TBC1D5: variants seen among roughly 807,000 people sequenced by gnomAD.
TBC1D5 encodes the protein TBC1 domain family, member 5.
TBC1D5 carries 75 observed loss-of-function variants against 100.3 expected under a neutral mutation model. That is an observed-to-expected ratio of 0.75 (90% confidence interval 0.62 to 0.91). The LOEUF (loss-of-function observed/expected upper bound fraction) is 0.91, where lower values mean the gene tolerates loss of function less well. Ranked by LOEUF, TBC1D5 falls within the 40% of genes least tolerant of loss-of-function variation. The pLI, the probability that TBC1D5 is intolerant of heterozygous loss-of-function variation, is 0.00. For synonymous variants in TBC1D5, 323 were observed against 325.6 expected (o/e 0.99, Z 0.09); for missense variants, 910 against 942.4 (o/e 0.97, Z 0.45).
At chr3:17,339,527 T>A (rs1215009483) in intron 13 of TBC1D5, among the ~76,000 whole-genome samples, 5 of 152,234 alleles carry the variant, frequency 3.3e-5, no homozygotes, top group African/African-American at 1.2e-4. Context: ...TTAAACAAAC[T>A]AACTGAAGAA....
intron 19 of TBC1D5, among the ~76,000 whole-genome samples, chr3:17,176,946 G>C (rs1265955527): frequency 2.0e-5 from 3 of 152,164 alleles, no homozygotes; most frequent in Non-Finnish European, 4.4e-5. Context: ...ACCCCCTGTG[G>C]GAGTGCTACA....
At chr3:17,280,557 G>A (rs1008548089) in intron 15 of TBC1D5, among the ~76,000 whole-genome samples, 2 of 152,130 alleles carry the variant, frequency 1.3e-5, no homozygotes, top group African/African-American at 2.4e-5. Context: ...ATGGTTTGAC[G>A]TCAAAGAGAA....
At chr3:17,545,574 G>A (rs1409959373) in intron 2 of TBC1D5, among the ~76,000 whole-genome samples, 1 of 152,164 alleles carries the variant, frequency 6.6e-6, no homozygotes, top group African/African-American at 2.4e-5. Context: ...CAACAAAAAT[G>A]AGTAACATTT....
chr3:17,720,742 G>A (rs1280944535), intron 1 of TBC1D5, among the ~76,000 whole-genome samples: 1 of 152,108 alleles, frequency 6.6e-6, no homozygotes, highest in African/African-American at 2.4e-5. Flanking sequence ...CTGAGCCTGG[G>A]AAATCAAGGC....
At chr3:17,460,755 T>C (rs1382352830) in intron 3 of TBC1D5, among the ~76,000 whole-genome samples, 1 of 151,204 alleles carries the variant, frequency 6.6e-6, no homozygotes, top group Non-Finnish European at 1.5e-5. Flanking sequence ...CACAGGGTTA[T>C]GACGGTTAAA....
At chr3:17,553,463 A>T (rs570264037) in intron 2 of TBC1D5, among the ~76,000 whole-genome samples, 1 of 152,306 alleles carries the variant, frequency 6.6e-6, no homozygotes, top group South Asian at 2.1e-4. Flanking sequence ...CAAAACTACA[A>T]ATGTATTTTC....
At chr3:17,420,502 C>A (rs1052474025) in intron 4 of TBC1D5, among the ~76,000 whole-genome samples, 1 of 151,788 alleles carries the variant, frequency 6.6e-6, no homozygotes, top group Admixed American at 6.6e-5. Context: ...ATAAAGGAGA[C>A]CAATGTGTAA....
chr3:17,737,754 T>G (rs2077068618), intron 1 of TBC1D5, among the ~76,000 whole-genome samples: 1 of 151,072 alleles, frequency 6.6e-6, no homozygotes, highest in African/African-American at 2.4e-5. Context: ...ACTCTTGTCT[T>G]AACAAAAAAA....
chr3:17,721,481 G>A (rs2075698845), intron 1 of TBC1D5, among the ~76,000 whole-genome samples: 1 of 151,988 alleles, frequency 6.6e-6, no homozygotes, highest in Non-Finnish European at 1.5e-5. Flanking sequence ...GTGTGTGTGT[G>A]TGTGTGTTGT....
At chr3:17,739,191 G>A (rs544867234) in intron 1 of TBC1D5, among the ~76,000 whole-genome samples, 8 of 152,266 alleles carry the variant, frequency 5.3e-5, no homozygotes, top group African/African-American at 1.9e-4. Flanking sequence ...TACCCATGTT[G>A]AGAGAAATGT....
intron 17 of TBC1D5, among the ~76,000 whole-genome samples, chr3:17,223,726 T>G (rs1208341651): frequency 2.0e-5 from 3 of 152,008 alleles, no homozygotes. Flanking sequence ...CTGGGCATGG[T>G]GGTGCGTGCC....
chr3:17,263,294 A>G (rs894118395), intron 15 of TBC1D5, among the ~76,000 whole-genome samples: 3 of 139,186 alleles, frequency 2.2e-5, no homozygotes, highest in South Asian at 2.6e-4. Flanking sequence ...TGAGTCTGGG[A>G]GGAGGAAGTT....
intron 2 of TBC1D5, among the ~76,000 whole-genome samples, chr3:17,517,170 T>C (rs1210001679): frequency 2.0e-5 from 3 of 152,240 alleles, no homozygotes; most frequent in African/African-American, 7.2e-5. Flanking sequence ...AACAGTCATC[T>C]TTAACTTTGC....
chr3:17,159,902 C>T (rs1559319645), exon 22 of TBC1D5: 2 of 152,234 alleles, frequency 1.3e-5, no homozygotes, highest in Non-Finnish European at 2.9e-5. Context: ...AGAAGGGACT[C>T]TAGGTCCAAT....
chr3:17,269,613 T>C (rs949256879), intron 15 of TBC1D5, among the ~76,000 whole-genome samples: 6 of 152,092 alleles, frequency 3.9e-5, no homozygotes, highest in South Asian at 2.1e-4. Flanking sequence ...CAGTACCCAA[T>C]AGGAAGTTTT....
At chr3:17,573,091 C>G (rs2096637286) in intron 2 of TBC1D5, among the ~76,000 whole-genome samples, 1 of 152,066 alleles carries the variant, frequency 6.6e-6, no homozygotes, top group South Asian at 2.1e-4. Context: ...ATTCAACCAT[C>G]TCCTATCTTT....
chr3:17,659,165 A>G (rs2066406628), intron 1 of TBC1D5, among the ~76,000 whole-genome samples: 1 of 152,226 alleles, frequency 6.6e-6, no homozygotes, highest in African/African-American at 2.4e-5. Context: ...TTTTGAGATT[A>G]TATACTACAC....
chr3:17,281,032 A>G (rs564393052), intron 15 of TBC1D5, among the ~76,000 whole-genome samples: 1 of 152,332 alleles, frequency 6.6e-6, no homozygotes, highest in South Asian at 2.1e-4. Flanking sequence ...AACAGGTTCA[A>G]GTGAGTGGAG....
chr3:17,195,623 T>C (rs2070560666), intron 18 of TBC1D5, among the ~76,000 whole-genome samples: 1 of 152,092 alleles, frequency 6.6e-6, no homozygotes, highest in African/African-American at 2.4e-5. Flanking sequence ...CTCTATAATG[T>C]CCCAATAGAG....
Sources: allele counts gnomAD v4.1 joint callset (sites outside exome capture counted in the v4.1 genomes callset), GRCh38; gene constraint gnomAD v4.1.1; transcripts MANE v1.5; gene names NCBI Gene and HGNC (gene_info 2026-07-23, HGNC 2026-07-21).